Variants in ADORA2B observed in about 807,000 individuals in gnomAD.
The protein encoded by ADORA2B is adenosine A2b receptor, also known as adenosine receptor A2b.
ADORA2B carries 18 observed loss-of-function variants against 20.8 expected under a neutral mutation model. The observed-to-expected ratio is 0.87, with a 90% CI of 0.60 to 1.29. ADORA2B has a LOEUF of 1.29. ADORA2B is among the 50% of genes most tolerant of loss of function. ADORA2B has a pLI of 0.00. For missense variants in ADORA2B, 441 were observed against 422.7 expected (o/e 1.04, Z -0.38); for synonymous variants, 179 against 178.3 (o/e 1.00, Z -0.03).
the ADORA2B span, chr17:15,850,379 C>T: frequency 1.3e-5 from 2 of 152,180 alleles, no homozygotes; most frequent in Non-Finnish European, 2.9e-5. Context: ...TAGGACTGGC[C>T]TCCACTCAGC....
rs775298633 is a variant in ADORA2B at position 15,975,186 on chromosome 17, C to G, written c.843C>G (p.Ala281=). The G allele has an allele frequency of 1.9e-6, 3 of 1,614,150 alleles. No individual in the cohort carries two copies. The highest frequency in any genetic ancestry group is 3.3e-5 in the Admixed American group (2 of 60,022). The change falls in exon 2 of 2, where the codon GCC becomes GCG. Residue 281 remains alanine, a synonymous_variant. Coordinates refer to ENST00000304222, the MANE Select transcript of ADORA2B (RefSeq NM_000676.4). ...AMNMAILLSH[A]NSVVNPIVYA... is the part of the protein sequence containing the mutation. ...ATATGGCCATTCTTCTGTCACATGC[C>G]AATTCAGTTGTCAATCCCATTGTCT...
At chr17:15,957,234 G>C (rs1024215274) in intron 1 of ADORA2B, among the ~76,000 whole-genome samples, 1 of 152,206 alleles carries the variant, frequency 6.6e-6, no homozygotes, top group African/African-American at 2.4e-5. Context: ...GTCTGGAGCA[G>C]AGGAGCCACA....
rs1188243228 is a variant in ADORA2B at position 15,945,466 on chromosome 17, C to T, written c.218C>T (p.Thr73Ile). 6.2e-6 allele frequency: 10 copies of T among 1,613,414 alleles called. No individual in the cohort carries two copies. The highest frequency in any genetic ancestry group is 1.3e-5 in the African/African-American group (1 of 74,938). The change falls in exon 1 of 2, where the codon ACT (threonine) becomes ATT (isoleucine). Residue 73 changes from threonine (T) to isoleucine (I), a missense_variant. Physicochemically the swap from Thr to Ile is moderately conservative, Grantham distance 89 (BLOSUM62 -1). Coordinates refer to ENST00000304222, the MANE Select transcript of ADORA2B (RefSeq NM_000676.4). ...ATCACCATCAGCCTGGGCTTCTGCA[C>T]TGACTTCTACGGCTGCCTCTTCCTC... ...FAITISLGFC[T>I]DFYGCLFLAC... is the part of the protein sequence containing the mutation.
the ADORA2B span, among the ~76,000 whole-genome samples, chr17:15,854,554 T>A: frequency 2.6e-5 from 4 of 152,218 alleles, no homozygotes; most frequent in Non-Finnish European, 5.9e-5. Context: ...CCCACAAGAT[T>A]ATGAATGAGA....
At position 15,945,380 on chromosome 17, in the gene ADORA2B, C is replaced by A; in HGVS notation, c.132C>A (p.Tyr44Ter). The A allele has an allele frequency of 3.7e-6, 6 of 1,612,964 alleles. No homozygotes were observed. Among genetic ancestry groups the A allele is most frequent in the Non-Finnish European group, 5.1e-6 (6 of 1,179,910 alleles). The change falls in exon 1 of 2, where the codon TAC becomes TAA. Residue 44 changes from tyrosine to a stop codon, truncating the protein, a stop_gained. Coordinates refer to ENST00000304222, the MANE Select transcript of ADORA2B (RefSeq NM_000676.4). LOFTEE classifies it high-confidence loss of function. ...ACACTCTGCAGACGCCCACCAACTA[C>A]TTCCTGGTGTCCCTGGCTGCGGCCG... is the stretch of plus-strand genomic sequence containing the variant. ...TANTLQTPTN[Y>*]FLVSLAAADV...
At chr17:15,899,197 T>C in the ADORA2B span, among the ~76,000 whole-genome samples, 1 of 151,582 alleles carries the variant, frequency 6.6e-6, no homozygotes, top group Admixed American at 6.6e-5. Context: ...ACCACTGCAC[T>C]CCAGCCTGGG....
At chr17:15,878,060 A>C in the ADORA2B span, among the ~76,000 whole-genome samples, 8 of 152,122 alleles carry the variant, frequency 5.3e-5, no homozygotes, top group Middle Eastern at 0.01. Context: ...TGAGACTGTG[A>C]GTGCATGCGT....
At chr17:15,961,380 T>A (rs1202248368) in intron 1 of ADORA2B, among the ~76,000 whole-genome samples, 2 of 152,206 alleles carry the variant, frequency 1.3e-5, no homozygotes, top group African/African-American at 4.8e-5. Context: ...AGGTTAAACC[T>A]TTTTGGTGGC....
the ADORA2B span, among the ~76,000 whole-genome samples, chr17:15,894,024 C>T: frequency 6.6e-6 from 1 of 152,164 alleles, no homozygotes; most frequent in Non-Finnish European, 1.5e-5. Context: ...CAGATTTGGC[C>T]CATGGGCAGC....
chr17:15,901,177 A>C, the ADORA2B span, among the ~76,000 whole-genome samples: 1 of 152,170 alleles, frequency 6.6e-6, no homozygotes, highest in African/African-American at 2.4e-5. Flanking sequence ...TGAAATAGCT[A>C]ATTTGAGGCT....
the ADORA2B span, among the ~76,000 whole-genome samples, chr17:15,889,509 G>C: frequency 7.7e-6 from 1 of 130,290 alleles, no homozygotes; most frequent in Non-Finnish European, 1.6e-5. Flanking sequence ...TCAAAAATCA[G>C]AACATCAGTT....
the ADORA2B span, among the ~76,000 whole-genome samples, chr17:15,877,950 G>A: frequency 6.6e-6 from 1 of 152,060 alleles, no homozygotes; most frequent in Non-Finnish European, 1.5e-5. Context: ...CAGCTGCCAA[G>A]TTTTATTTTC....
chr17:15,942,263 G>A (rs879696632), upstream of ADORA2B, among the ~76,000 whole-genome samples: 4 of 152,016 alleles, frequency 2.6e-5, no homozygotes, highest in African/African-American at 4.8e-5. Context: ...TCATGATAGT[G>A]AGTGAGTTCT....
the ADORA2B span, among the ~76,000 whole-genome samples, chr17:15,928,108 G>A: frequency 6.6e-6 from 1 of 152,120 alleles, no homozygotes; most frequent in East Asian, 1.9e-4. Flanking sequence ...ACGCCCGGCC[G>A]AGGCCATGGG....
the ADORA2B span, among the ~76,000 whole-genome samples, chr17:15,853,121 A>G: frequency 2.0e-5 from 3 of 152,206 alleles, no homozygotes; most frequent in Non-Finnish European, 4.4e-5. Context: ...TCAAAGGGAA[A>G]AAAGAAACCT....
the ADORA2B span, among the ~76,000 whole-genome samples, chr17:15,884,245 G>T: frequency 6.6e-6 from 1 of 152,228 alleles, no homozygotes; most frequent in Non-Finnish European, 1.5e-5. Flanking sequence ...GTTTGCATAA[G>T]TGCAGGGCAG....
chr17:15,945,410 G>A lies in ADORA2B; in HGVS notation c.162G>A (p.Val54=). The change falls in exon 1 of 2, where the codon GTG becomes GTA. Residue 54 remains valine, a synonymous_variant. Transcript: ENST00000304222. ...TGGTGTCCCTGGCTGCGGCCGACGT[G>A]GCCGTGGGGCTCTTCGCCATCCCCT... ...YFLVSLAAAD[V]AVGLFAIPFA... 3 of 1,613,534 alleles carry A rather than the reference G, an allele frequency of 1.9e-6. No individual in the cohort carries two copies. Among genetic ancestry groups the A allele is most frequent in the Non-Finnish European group, 2.5e-6 (3 of 1,179,958 alleles).
At chr17:15,936,437 G>T in the ADORA2B span, among the ~76,000 whole-genome samples, 1 of 151,994 alleles carries the variant, frequency 6.6e-6, no homozygotes, top group Admixed American at 6.6e-5. Flanking sequence ...TCATGCCTCA[G>T]CCTCCCAAGT....
At chr17:15,971,182 G>C (rs1970185031) in intron 1 of ADORA2B, among the ~76,000 whole-genome samples, 1 of 152,268 alleles carries the variant, frequency 6.6e-6, no homozygotes. Flanking sequence ...TGCTGCATGG[G>C]CTGCCTCATG....
Sources: allele counts gnomAD v4.1 joint callset (sites outside exome capture counted in the v4.1 genomes callset), GRCh38; gene constraint gnomAD v4.1.1; transcripts MANE v1.5; gene names NCBI Gene and HGNC (gene_info 2026-07-23, HGNC 2026-07-21).